RELN: variants seen among roughly 807,000 people sequenced by gnomAD.
RELN encodes reelin.
Under a neutral mutation model 427.6 loss-of-function variants are expected in RELN, and 108 were observed. The ratio of observed to expected loss-of-function variants is 0.25; its 90% CI spans 0.22 to 0.30. The LOEUF (loss-of-function observed/expected upper bound fraction) is 0.30. Ranked by LOEUF, RELN falls within the 10% of genes least tolerant of loss-of-function variation. The pLI is 1.00. For missense variants in RELN, 3,715 were observed against 4,302.8 expected (o/e 0.86, Z 3.82); for synonymous variants, 1,524 against 1,513.4 (o/e 1.01, Z -0.16).
chr7:103,912,265 G>A (rs1474429827), intron 2 of RELN, among the ~76,000 whole-genome samples: 5 of 149,680 alleles, frequency 3.3e-5, no homozygotes, highest in South Asian at 4.2e-4. Flanking sequence ...GTGTGATCTC[G>A]GCTCACTGCA....
intron 47 of RELN, 100 bp from the exon 48 acceptor site, chr7:103,522,299 G>T: frequency 8.4e-7 from 1 of 1,189,456 alleles, no homozygotes; most frequent in Non-Finnish European, 1.2e-6. Flanking sequence ...AGTCCAAGAT[G>T]ATGAAAAGTT....
At chr7:103,791,326 T>C (rs920561413) in intron 3 of RELN, among the ~76,000 whole-genome samples, 3 of 152,166 alleles carry the variant, frequency 2.0e-5, no homozygotes, top group Non-Finnish European at 2.9e-5. Context: ...CTGGAGGACT[T>C]GCACTTCCTT....
In RELN at chr7:103,566,982, T is replaced by C. The variant is rs1388164815; in HGVS notation, c.4589-223A>G. 2.0e-5 allele frequency among the ~76,000 whole-genome samples: 3 copies of C among 151,848 alleles called. No homozygotes were observed. The East Asian group carries it at 5.8e-4, about 29-fold the overall frequency. ...AGGAAATGAAATACATAAGCTCTTA[T>C]AAGACTGCTCAGCTTTGTATGAGTG... On this transcript the variant is annotated intron_variant, in intron 31 of 64. Coordinates refer to ENST00000428762, the MANE Select transcript of RELN (RefSeq NM_005045.4).
chr7:103,865,286 A>G (rs1794172216), intron 2 of RELN, among the ~76,000 whole-genome samples: 1 of 152,128 alleles, frequency 6.6e-6, no homozygotes, highest in South Asian at 2.1e-4. Flanking sequence ...GAAGAAAATC[A>G]CAGGACCAGA....
At chr7:103,735,020 T>C (rs1382659723) in intron 6 of RELN, among the ~76,000 whole-genome samples, 2 of 152,200 alleles carry the variant, frequency 1.3e-5, no homozygotes, top group African/African-American at 4.8e-5. Context: ...ATATATATTC[T>C]TAGATAATTC....
chr7:103,636,156 A>G, intron 18 of RELN, 79 bp downstream of exon 18: 1 of 969,120 alleles, frequency 1.0e-6, no homozygotes, highest in African/African-American at 1.6e-5. Flanking sequence ...AAAAAATATA[A>G]GAAATAAAAA....
intron 8 of RELN, among the ~76,000 whole-genome samples, chr7:103,721,452 T>C (rs940534644): frequency 9.2e-5 from 14 of 152,060 alleles, no homozygotes; most frequent in Non-Finnish European, 1.6e-4. Context: ...GGGTTTTGAG[T>C]CTTAGGTAAT....
rs542775760 is a variant in RELN, at chr7:103,728,351, A to G, written c.657-144T>C. ...AAGTAGGAGTATTTTGCATCATGATAAGGTTAAGAAGACCTGAAACCAGAA... is the reference window on the plus strand; with the variant it reads ...AAGTAGGAGTATTTTGCATCATGATGAGGTTAAGAAGACCTGAAACCAGAA... On this transcript the variant is annotated intron_variant, in intron 6 of 64. Coordinates refer to ENST00000428762, the MANE Select transcript of RELN (RefSeq NM_005045.4). The G allele has an allele frequency of 1.1e-4, 84 of 762,356 alleles. No individual in the cohort carries two copies. In the African/African-American group the frequency reaches 1.4e-3, roughly 13 times the overall value. The allele number at this position is 762,356 out of a possible 1,614,324, so 47.2% of individuals were successfully genotyped here. A position where few individuals can be genotyped will look rare whatever the true frequency, so the allele number is the denominator to read the frequency against.
chr7:103,493,714 C>G (rs4470957), intron 57 of RELN, among the ~76,000 whole-genome samples: 1 of 151,796 alleles, frequency 6.6e-6, no homozygotes, highest in Non-Finnish European at 1.5e-5. Context: ...AGAAGGAGAA[C>G]GAGCAGAGAA....
intron 47 of RELN, among the ~76,000 whole-genome samples, chr7:103,522,677 G>A (rs981410203): frequency 1.3e-5 from 2 of 152,196 alleles, no homozygotes; most frequent in African/African-American, 4.8e-5. Flanking sequence ...TGTTTAGGGT[G>A]GAAGGGCATA....
chr7:103,826,492 A>G (rs1442729275), intron 3 of RELN, among the ~76,000 whole-genome samples: 2 of 152,094 alleles, frequency 1.3e-5, no homozygotes, highest in Non-Finnish European at 2.9e-5. Flanking sequence ...AGACTTTACT[A>G]AAAATAGAGC....
intron 11 of RELN, among the ~76,000 whole-genome samples, chr7:103,662,687 T>G (rs1180056176): frequency 6.6e-6 from 1 of 150,426 alleles, no homozygotes; most frequent in Non-Finnish European, 1.5e-5. Flanking sequence ...TCAATAGACC[T>G]TGGTGGAGGA....
At chr7:103,944,425 G>A (rs1036491056) in intron 1 of RELN, among the ~76,000 whole-genome samples, 1 of 152,120 alleles carries the variant, frequency 6.6e-6, no homozygotes. Context: ...AACAAGACTT[G>A]CAGGCCCAGA....
At chr7:103,594,256 G>T in intron 26 of RELN, 65 bp downstream of exon 26, 2 of 1,452,170 alleles carry the variant, frequency 1.4e-6, no homozygotes, top group Non-Finnish European at 1.9e-6. Context: ...TTAAGGAAAT[G>T]AGTTCTTTAT....
At chr7:103,595,544 T>C (rs966549739) in intron 25 of RELN, among the ~76,000 whole-genome samples, 10 of 152,198 alleles carry the variant, frequency 6.6e-5, no homozygotes, top group Non-Finnish European at 1.3e-4. Context: ...AAAATAGGTA[T>C]GCTTTAAGTA....
At chr7:103,682,014 A>G (rs1463683161) in intron 11 of RELN, 102 bp downstream of exon 11, 1 of 1,122,488 alleles carries the variant, frequency 8.9e-7, no homozygotes, top group Non-Finnish European at 1.4e-6. Flanking sequence ...ATCAGTATTG[A>G]TCTAAGTATG....
At chr7:103,485,229 C>CAA (rs35324403) in intron 61 of RELN, among the ~76,000 whole-genome samples, 170 of 96,450 alleles carry the variant, frequency 1.8e-3, no homozygotes, top group African/African-American at 4.1e-3. Flanking sequence ...TTTGGCAGGC[C>CAA]AAAAAAAAAA....
At chr7:103,781,302 A>G (rs890689148) in intron 3 of RELN, among the ~76,000 whole-genome samples, 2 of 152,288 alleles carry the variant, frequency 1.3e-5, no homozygotes, top group African/African-American at 4.8e-5. Context: ...CCACAGAATC[A>G]CAGCATTTAT....
intron 1 of RELN, among the ~76,000 whole-genome samples, chr7:103,961,561 A>G (rs1264141374): frequency 6.6e-6 from 1 of 152,218 alleles, no homozygotes; most frequent in African/African-American, 2.4e-5. Flanking sequence ...CAAAGCGTAT[A>G]CAAACATAAC....
Sources: gnomAD v4.1 joint callset for allele counts (sites outside exome capture counted in the v4.1 genomes callset) on GRCh38, gnomAD v4.1.1 for gene constraint, MANE v1.5 for transcripts, NCBI Gene and HGNC (gene_info 2026-07-23, HGNC 2026-07-21) for gene names.